JUP: variants seen among roughly 807,000 people sequenced by gnomAD.
The protein encoded by JUP is junction plakoglobin, also known as catenin (cadherin-associated protein), gamma 80kDa.
A neutral mutation model predicts 71.1 loss-of-function variants in JUP; 28 were observed. The ratio of observed to expected loss-of-function variants is 0.39; its 90% confidence interval spans 0.29 to 0.54. The LOEUF (loss-of-function observed/expected upper bound fraction) is 0.54, where lower values mean the gene tolerates loss of function less well. Among genes scored for constraint, JUP ranks in the 20% least tolerant of loss-of-function variants. JUP has a pLI of 0.62. For missense variants in JUP, 869 were observed against 1,030.1 expected (o/e 0.84, Z 2.14); for synonymous variants, 401 against 438.9 (o/e 0.91, Z 1.08).
intron 1 of JUP, among the ~76,000 whole-genome samples, chr17:41,782,417 G>A (rs550183874): frequency 4.6e-5 from 7 of 152,262 alleles, no homozygotes; most frequent in African/African-American, 1.2e-4. Flanking sequence ...TCGGACTCTC[G>A]TTTCTCGCCA....
chr17:41,769,411 C>T lies in JUP; in HGVS notation c.468+7G>A, dbSNP rs1916226554. On this transcript the variant is annotated splice_region_variant and intron_variant, in intron 3 of 13. Coordinates refer to ENST00000393931, the MANE Select transcript of JUP (RefSeq NM_002230.4). ...CAGCCCCCACCCTAGCAGGGACCCT[C>T]ACAGACCGGGTCCTCGTCGTTGAGC... 3 of 1,609,330 alleles carry T rather than the reference C, an allele frequency of 1.9e-6. No homozygotes were observed. Among genetic ancestry groups the T allele is most frequent in the Non-Finnish European group, 2.5e-6 (3 of 1,178,454 alleles).
chr17:41,772,502 C>T (rs1256036610), intron 1 of JUP, among the ~76,000 whole-genome samples: 2 of 152,158 alleles, frequency 1.3e-5, no homozygotes, highest in African/African-American at 2.4e-5. Flanking sequence ...AGTCCCTAGA[C>T]GCCTCTTTGA....
At position 41,771,087 on chromosome 17, in the gene JUP, T is replaced by A. The variant is rs188439949; in HGVS notation, c.208+560A>T. On this transcript the variant is annotated intron_variant, in intron 2 of 13. Transcript: ENST00000393931. ...CTCTGTCGCCCAGGCTGGAGTGCAG[T>A]GGCGCAATCTCAGCTCACTCCAACC... Among the ~76,000 whole-genome samples, 227 of 152,346 alleles carry A rather than the reference T, an allele frequency of 1.5e-3. 5 individuals are homozygous for A. The South Asian group carries it at 0.019, about 13-fold the overall frequency.
chr17:41,758,898 G>A (rs1555599913), intron 8 of JUP, 28 bp from the exon 9 acceptor site: 5 of 1,595,062 alleles, frequency 3.1e-6, no homozygotes, highest in Non-Finnish European at 4.3e-6. Flanking sequence ...AGTGATCAGG[G>A]GCACTTCTTG....
intron 1 of JUP, chr17:41,784,899 T>C (rs2047372577): frequency 6.6e-6 from 1 of 151,860 alleles, no homozygotes; most frequent in Admixed American, 6.6e-5. Flanking sequence ...CTCCAAATCC[T>C]GCAAAAAGAC....
intron 8 of JUP, among the ~76,000 whole-genome samples, chr17:41,760,342 G>A (rs62065900): frequency 0.038 from 5,596 of 149,154 alleles, 146 homozygotes; most frequent in Middle Eastern, 0.061. Flanking sequence ...TGCAAGCTCC[G>A]CCTCCCGGGT....
intron 13 of JUP, 114 bp from the exon 14 acceptor site, chr17:41,756,009 C>CA (rs1913657983): frequency 2.1e-6 from 3 of 1,417,132 alleles, no homozygotes; most frequent in Non-Finnish European, 2.9e-6. Flanking sequence ...TGGGCCTGAC[C>CA]CCTCCCCAGA....
chr17:41,784,637 C>A (rs921116032), intron 1 of JUP, among the ~76,000 whole-genome samples: 1 of 152,138 alleles, frequency 6.6e-6, no homozygotes, highest in Non-Finnish European at 1.5e-5. Flanking sequence ...AATCCCATCC[C>A]CCGGCAGAAA....
At chr17:41,775,347 C>A (rs2046831469) in intron 1 of JUP, among the ~76,000 whole-genome samples, 1 of 152,210 alleles carries the variant, frequency 6.6e-6, no homozygotes, top group African/African-American at 2.4e-5. Flanking sequence ...GCTATTCCTG[C>A]AACAGGAAGG....
intron 1 of JUP, among the ~76,000 whole-genome samples, chr17:41,776,762 A>T (rs2046906317): frequency 6.6e-6 from 1 of 152,146 alleles, no homozygotes; most frequent in African/African-American, 2.4e-5. Context: ...ATCCCAGCAT[A>T]TTGGGAGGCC....
chr17:41,768,935 G>T (rs782612829), intron 4 of JUP, 34 bp downstream of exon 4: 2 of 1,500,336 alleles, frequency 1.3e-6, no homozygotes, highest in South Asian at 1.2e-5. Context: ...GTGAGAGGGG[G>T]TCCTGGGCTC....
chr17:41,783,910 AAAAAAAAG>A (rs2047313639), intron 1 of JUP, among the ~76,000 whole-genome samples: 1 of 151,604 alleles, frequency 6.6e-6, no homozygotes, highest in Non-Finnish European at 1.5e-5. Context: ...AAAAAAAAAA[AAAAAAAAG>A]AAAGTGCTTG....
rs143502391 is a variant in JUP at position 41,769,104 on chromosome 17, C to T, written c.572G>A (p.Arg191His). 5.0e-5 allele frequency: 80 copies of T among 1,612,230 alleles called. No individual in the cohort carries two copies. Among genetic ancestry groups the T allele is most frequent in the Non-Finnish European group, 6.2e-5 (73 of 1,179,954 alleles). ...GSPQLVAAVV[R>H]TMQNTSDLDT... ...CAGGTCGCTGGTATTCTGCATGGTA[C>T]GCACGACAGCGGCCACCAGCTGGGG... is the stretch of plus-strand genomic sequence containing the variant. The change falls in exon 4 of 14, where the codon CGT becomes CAT. Residue 191 changes from arginine (R) to histidine (H), a missense_variant. Physicochemically the swap from Arg to His is conservative, Grantham distance 29 (BLOSUM62 0). Transcript: ENST00000393931.
intron 1 of JUP, among the ~76,000 whole-genome samples, chr17:41,774,110 A>G (rs1296704016): frequency 2.0e-5 from 3 of 151,920 alleles, no homozygotes; most frequent in Non-Finnish European, 4.4e-5. Flanking sequence ...GGACCACCAC[A>G]GTCAAGCTGA....
chr17:41,763,688 C>T (rs1309664586), intron 7 of JUP, among the ~76,000 whole-genome samples: 5 of 152,084 alleles, frequency 3.3e-5, no homozygotes, highest in African/African-American at 9.7e-5. Flanking sequence ...AGGGAGGCCT[C>T]GAGACCAGGA....
intron 1 of JUP, chr17:41,773,114 GT>G: frequency 2.1e-6 from 1 of 483,552 alleles, no homozygotes; most frequent in Non-Finnish European, 2.7e-6. Context: ...AAGGTCTGTA[GT>G]CTTTGCACAT....
Position 41,757,445 on chromosome 17 carries a change from G to C in JUP, c.2016C>G (p.Leu672=). The C allele has an allele frequency of 6.2e-7, 1 of 1,614,260 alleles. No individual in the cohort carries two copies. The highest frequency in any genetic ancestry group is 8.5e-7 in the Non-Finnish European group (1 of 1,180,032). The part of the protein sequence containing the change: ...KRVSVELTNS[L]FKHDPAAWEA... ...CCCAGGCAGCCGGGTCATGCTTGAA[G>C]AGGGAGTTGGTGAGCTCCACGGACA... The change falls in exon 12 of 14, where the codon CTC becomes CTG. Residue 672 remains leucine, a synonymous_variant. Transcript: ENST00000393931.
In JUP at chr17:41,758,854, A is replaced by G; in HGVS notation, c.1514T>C (p.Ile505Thr). The G allele has an allele frequency of 6.2e-7, 1 of 1,607,974 alleles. No individual in the cohort carries two copies. Among genetic ancestry groups the G allele is most frequent in the Non-Finnish European group, 8.5e-7 (1 of 1,175,726 alleles). Residue 505 changes from isoleucine to threonine, a missense_variant, in exon 9 of 14, where the codon ATC becomes ACC. Transcript: ENST00000393931. ...WPLVKATIGLIRNLALCPANH... is the reference protein window; with the variant it reads ...WPLVKATIGLTRNLALCPANH... ...GGCTGGGCACAGGGCCAGATTCCTG[A>G]TCAAGCCGATGGTTGCCTGGCAAAA...
chr17:41,771,918 G>T, intron 1 of JUP, 56 bp from the exon 2 acceptor site: 1 of 1,424,878 alleles, frequency 7.0e-7, no homozygotes, highest in Non-Finnish European at 9.7e-7. Context: ...CCAGCCCCCA[G>T]CTTCAGCCCG....
Sources: gnomAD v4.1 joint callset for allele counts (sites outside exome capture counted in the v4.1 genomes callset) on GRCh38, gnomAD v4.1.1 for gene constraint, MANE v1.5 for transcripts, NCBI Gene and HGNC (gene_info 2026-07-23, HGNC 2026-07-21) for gene names.